Variants in WDR59 observed in about 807,000 individuals in gnomAD.
WDR59 encodes GATOR2 complex protein WDR59.
WDR59 carries 100 observed loss-of-function variants against 131.2 expected under a neutral mutation model. The ratio of observed to expected loss-of-function variants is 0.76; its 90% CI spans 0.65 to 0.90. WDR59 has a LOEUF of 0.90. Among genes scored for constraint, WDR59 ranks in the 40% least tolerant of loss-of-function variants. WDR59 has a pLI of 0.00. For synonymous variants in WDR59, 601 were observed against 466.2 expected (o/e 1.29, Z -3.72); for missense variants, 1,203 against 1,262.2 (o/e 0.95, Z 0.71).
intron 2 of WDR59, among the ~76,000 whole-genome samples, chr16:74,959,062 C>CA (rs1186190828): frequency 1.3e-5 from 2 of 151,884 alleles, no homozygotes; most frequent in Non-Finnish European, 2.9e-5. Flanking sequence ...TCCATCTCAA[C>CA]AAAAAAACAC....
In WDR59 at chr16:74,872,927, G is replaced by C. The variant is rs958596978; in HGVS notation, c.*1282C>G. On this transcript the variant is annotated 3_prime_UTR_variant, in exon 26 of 26. Coordinates refer to ENST00000262144, the MANE Select transcript of WDR59 (RefSeq NM_030581.4). ...TTTTTAATTTTTTTTTTCTTTTTTT[G>C]AGACAGAGTCTCACTCTTGTCACCC... The C allele has an allele frequency of 6.0e-5, 9 of 149,078 alleles. No individual in the cohort carries two copies. Among genetic ancestry groups the C allele is most frequent in the African/African-American group, 2.2e-4 (9 of 40,344 alleles). 9.2% of individuals were successfully genotyped at this position (149,078 alleles called of 1,614,324 possible). A position where few individuals can be genotyped will look rare whatever the true frequency, so the allele number is the denominator to read the frequency against.
chr16:74,917,033 A>G (rs1423100373), intron 11 of WDR59, among the ~76,000 whole-genome samples: 1 of 152,168 alleles, frequency 6.6e-6, no homozygotes. Flanking sequence ...ATTCTGTGCA[A>G]AGCAATGTAC....
chr16:74,984,878 A>C (rs918180752), intron 1 of WDR59, 86 bp downstream of exon 1: 2 of 1,545,226 alleles, frequency 1.3e-6, no homozygotes, highest in African/African-American at 2.7e-5. Flanking sequence ...GTCTCCCCGT[A>C]GCCCCCCGGG....
chr16:74,909,405 A>C (rs1266173793), intron 16 of WDR59, 96 bp downstream of exon 16: 2 of 1,414,406 alleles, frequency 1.4e-6, no homozygotes, highest in African/African-American at 2.9e-5. Context: ...CGGGAGTAAA[A>C]GCAAACATTT....
At chr16:74,879,800 T>C (rs967847048) in intron 25 of WDR59, among the ~76,000 whole-genome samples, 2 of 152,166 alleles carry the variant, frequency 1.3e-5, no homozygotes, top group African/African-American at 2.4e-5. Flanking sequence ...ATATCATATG[T>C]TGATTAACCT....
chr16:74,978,749 ATTTT>A (rs111946957), intron 1 of WDR59, among the ~76,000 whole-genome samples: 3 of 147,762 alleles, frequency 2.0e-5, no homozygotes, highest in Non-Finnish European at 4.5e-5. Flanking sequence ...ATAAACCTGG[ATTTT>A]TTTTTTTTAA....
In WDR59 at chr16:74,942,823, C is replaced by T. The variant is rs1011289428; in HGVS notation, c.449G>A (p.Gly150Asp). 1 of 1,613,120 alleles carries T rather than the reference C, an allele frequency of 6.2e-7. No individual in the cohort carries two copies. The change falls in exon 7 of 26, where the codon GGT (glycine) becomes GAT (aspartate). Residue 150 changes from glycine to aspartate, a missense_variant. By Grantham distance (94) the Gly-to-Asp change is moderately conservative (BLOSUM62 -1). Transcript: ENST00000262144. Reference sequence around the variant, plus strand: ...TTTATTCCATTTGACCTGGGAGGCACCCGCTGCAAAGAAAAATCAGGGAAG... The same window carrying T: ...TTTATTCCATTTGACCTGGGAGGCATCCGCTGCAAAGAAAAATCAGGGAAG... The part of the protein sequence containing the change: ...KPTVALSAVA[G>D]ASQVKWNKKN...
Position 74,874,169 on chromosome 16 carries a change from G to C in WDR59, c.*40C>G. ...AGACAGCTTGTCACCGGCACTTATG[G>C]GTCCTCTGGGATTTCAGACAATACC... On this transcript the variant is annotated 3_prime_UTR_variant, in exon 26 of 26. Transcript: ENST00000262144. 1.3e-6 allele frequency: 2 copies of C among 1,546,654 alleles called. No homozygotes were observed. The highest frequency in any genetic ancestry group is 1.8e-6 in the Non-Finnish European group (2 of 1,131,790).
chr16:74,886,871 C>T (rs1462946272), intron 23 of WDR59, among the ~76,000 whole-genome samples: 4 of 152,022 alleles, frequency 2.6e-5, no homozygotes, highest in African/African-American at 7.3e-5. Context: ...GGCAGTGAGC[C>T]GAGATCATGC....
rs145645581 is a variant in WDR59, at chr16:74,887,009, T to G, written c.2420-613A>C. Reference sequence around the variant, plus strand: ...CATAGTCATTATTTACGAGGACTTTTTGAACAATATTTGCTCATGATATAA... The same window carrying G: ...CATAGTCATTATTTACGAGGACTTTGTGAACAATATTTGCTCATGATATAA... On this transcript the variant is annotated intron_variant, in intron 23 of 25. Coordinates refer to ENST00000262144, the MANE Select transcript of WDR59 (RefSeq NM_030581.4). 2.0e-3 allele frequency among the ~76,000 whole-genome samples: 300 copies of G among 152,330 alleles called. 2 individuals are homozygous for G. The highest frequency in any genetic ancestry group is 6.9e-3 in the African/African-American group (285 of 41,582).
At chr16:74,925,303 A>C (rs1372324581) in intron 8 of WDR59, among the ~76,000 whole-genome samples, 1 of 152,116 alleles carries the variant, frequency 6.6e-6, no homozygotes, top group East Asian at 1.9e-4. Flanking sequence ...TGGGAGGCCA[A>C]GGCAGGCAGG....
intron 8 of WDR59, among the ~76,000 whole-genome samples, chr16:74,936,370 G>A (rs921845505): frequency 6.6e-6 from 1 of 151,980 alleles, no homozygotes; most frequent in African/African-American, 2.4e-5. Context: ...CAGGAAACTG[G>A]CTGTTACCTG....
Position 74,891,425 on chromosome 16 carries a change from C to A in WDR59, c.2082+1059G>T, listed in dbSNP as rs543739557. Among the ~76,000 whole-genome samples, 3 of 152,272 alleles carry A rather than the reference C, an allele frequency of 2.0e-5. No homozygotes were observed. The South Asian group carries it at 6.2e-4, about 32-fold the overall frequency. On this transcript the variant is annotated intron_variant, in intron 20 of 25. Transcript: ENST00000262144. ...TGAAGTTCACATTCATCTCTATAAT[C>A]AATAACCTAGTGAATCAGCACTAGA...
chr16:74,941,511 T>C (rs2032224321), intron 7 of WDR59, among the ~76,000 whole-genome samples: 1 of 151,644 alleles, frequency 6.6e-6, no homozygotes, highest in African/African-American at 2.4e-5. Flanking sequence ...CTGGCCAACA[T>C]GTGAAACCCC....
chr16:74,974,639 G>A (rs2034117173), intron 1 of WDR59, among the ~76,000 whole-genome samples: 1 of 152,076 alleles, frequency 6.6e-6, no homozygotes, highest in Non-Finnish European at 1.5e-5. Context: ...GCCTCCCTGT[G>A]CCTCAACTGT....
chr16:74,911,957 G>A (rs1005253115), intron 14 of WDR59: 2 of 549,804 alleles, frequency 3.6e-6, no homozygotes, highest in Non-Finnish European at 6.4e-6. Context: ...TCTGAGGAAG[G>A]GTCCATAATT....
At chr16:74,969,702 G>A (rs545973546) in intron 1 of WDR59, among the ~76,000 whole-genome samples, 18 of 151,682 alleles carry the variant, frequency 1.2e-4, no homozygotes, top group Non-Finnish European at 2.2e-4. Flanking sequence ...CCCAAGTACT[G>A]AGATTACAGG....
At chr16:74,949,392 A>C (rs1407714939) in intron 5 of WDR59, among the ~76,000 whole-genome samples, 2 of 143,694 alleles carry the variant, frequency 1.4e-5, no homozygotes, top group Admixed American at 1.4e-4. Flanking sequence ...AAAGACAGGA[A>C]GGAAGGGGGA....
chr16:74,945,712 C>G (rs8046519), intron 6 of WDR59, among the ~76,000 whole-genome samples: 1 of 152,000 alleles, frequency 6.6e-6, no homozygotes, highest in African/African-American at 2.4e-5. Context: ...AACAAATGCT[C>G]AGTCCCCCTT....
Sources: allele counts gnomAD v4.1 joint callset (sites outside exome capture counted in the v4.1 genomes callset), GRCh38; gene constraint gnomAD v4.1.1; transcripts MANE v1.5; gene names NCBI Gene and HGNC (gene_info 2026-07-23, HGNC 2026-07-21).